The following SYN3 variants were observed in gnomAD, a reference collection of about 807,000 sequenced individuals.
The protein encoded by SYN3 is synapsin-3.
In SYN3, 35 loss-of-function variants were observed where a neutral mutation model predicts 65.8. The ratio of observed to expected loss-of-function variants is 0.53; its 90% CI spans 0.41 to 0.70. The LOEUF is 0.70. Among genes scored for constraint, SYN3 ranks in the 30% least tolerant of loss-of-function variants. The pLI is 0.00. For missense variants in SYN3, 680 were observed against 749.0 expected, an observed-to-expected ratio of 0.91 and a Z score of 1.08; for synonymous variants, 270 against 292.9, an observed-to-expected ratio of 0.92 and a Z score of 0.80.
intron 1 of SYN3, among the ~76,000 whole-genome samples, chr22:33,028,661 G>GTGA (rs2053683128): frequency 8.8e-6 from 1 of 113,774 alleles, no homozygotes; most frequent in Non-Finnish European, 1.8e-5. Context: ...GGTGGTGGTG[G>GTGA]TGGTGGTGGT....
chr22:32,908,916 C>T (rs1260022726), intron 4 of SYN3, among the ~76,000 whole-genome samples: 1 of 152,118 alleles, frequency 6.6e-6, no homozygotes, highest in Non-Finnish European at 1.5e-5. Flanking sequence ...TTAATTTAGG[C>T]TGTTAGGGCA....
rs1249727306 is a variant in SYN3 at position 33,058,347 on chromosome 22, G to T, written c.-218C>A. 1 of 151,648 alleles carries T rather than the reference G, an allele frequency of 6.6e-6. No homozygotes were observed. The highest frequency in any genetic ancestry group is 1.5e-5 in the Non-Finnish European group (1 of 67,858). The allele number at this position is 151,648 out of a possible 1,614,324, so 9.4% of individuals were successfully genotyped here. A position where few individuals can be genotyped will look rare whatever the true frequency, so the allele number is the denominator to read the frequency against. ...TGGTGCCTCGGCGCGGCGCCCGCCA[G>T]TCGATCCGCTCCGGGTCCCGGGAGC... On this transcript the variant is annotated 5_prime_UTR_variant, in exon 1 of 14. In the 5' UTR this introduces an upstream ATG that the reference lacks. Transcript: ENST00000358763.
At chr22:32,873,196 C>A (rs2048896665) in intron 4 of SYN3, among the ~76,000 whole-genome samples, 1 of 152,116 alleles carries the variant, frequency 6.6e-6, no homozygotes. Context: ...GGTGATCTGC[C>A]CACCTTGGCC....
chr22:32,760,266 T>C (rs2045441274), intron 6 of SYN3, among the ~76,000 whole-genome samples: 1 of 143,056 alleles, frequency 7.0e-6, no homozygotes, highest in Admixed American at 7.2e-5. Context: ...CCTTCCTTGA[T>C]TGAGTCTAAA....
chr22:32,822,281 G>T (rs577223359), intron 6 of SYN3, among the ~76,000 whole-genome samples: 1 of 152,162 alleles, frequency 6.6e-6, no homozygotes, highest in East Asian at 1.9e-4. Context: ...CACAGGGTAT[G>T]ATCACATTTC....
At chr22:32,757,116 C>G (rs1162711520) in intron 6 of SYN3, among the ~76,000 whole-genome samples, 1 of 151,584 alleles carries the variant, frequency 6.6e-6, no homozygotes, top group Non-Finnish European at 1.5e-5. Flanking sequence ...CACTCATCAT[C>G]ACCCCTAGTG....
intron 1 of SYN3, among the ~76,000 whole-genome samples, chr22:33,042,020 G>A (rs898214780): frequency 6.6e-6 from 1 of 152,198 alleles, no homozygotes; most frequent in African/African-American, 2.4e-5. Flanking sequence ...TAACGTGATG[G>A]TATTTAGAGA....
At chr22:32,569,559 C>A (rs202129653) in intron 7 of SYN3, among the ~76,000 whole-genome samples, 2,000 of 50,942 alleles carry the variant, frequency 0.039, 41 homozygotes, top group African/African-American at 0.085. Flanking sequence ...CTCTCTCTCT[C>A]TCTCTCTCTC....
chr22:32,536,435 TAC>T (rs1259692257), intron 9 of SYN3, among the ~76,000 whole-genome samples: 2 of 46,918 alleles, frequency 4.3e-5, no homozygotes, highest in East Asian at 2.0e-3. Flanking sequence ...TGGGTATTAC[TAC>T]TGCTTTCGTT....
chr22:32,943,166 GA>G (rs1278189601), intron 3 of SYN3, among the ~76,000 whole-genome samples: 1 of 152,166 alleles, frequency 6.6e-6, no homozygotes, highest in African/African-American at 2.4e-5. Flanking sequence ...AAGTTGAAAT[GA>G]AGGAAAAAAT....
At chr22:32,539,512 G>A (rs1285966471) in intron 8 of SYN3, among the ~76,000 whole-genome samples, 3 of 63,436 alleles carry the variant, frequency 4.7e-5, no homozygotes, top group Admixed American at 1.6e-4. Context: ...GTGTATACAC[G>A]GGTAAGGATA....
chr22:33,011,518 C>A (rs894501942), intron 1 of SYN3, among the ~76,000 whole-genome samples: 16 of 152,008 alleles, frequency 1.1e-4, no homozygotes, highest in Non-Finnish European at 2.2e-4. Flanking sequence ...GACAAAAAAA[C>A]ATTGGTCTGT....
intron 1 of SYN3, among the ~76,000 whole-genome samples, chr22:33,033,908 G>T (rs1277679238): frequency 6.6e-6 from 1 of 152,048 alleles, no homozygotes; most frequent in South Asian, 2.1e-4. Context: ...CAATTAGCCA[G>T]GCACGGTGGT....
In SYN3 at chr22:32,632,365, A is replaced by G. The variant is rs1737220917; in HGVS notation, c.712-35629T>C. On this transcript the variant is annotated intron_variant, in intron 6 of 13. Transcript: ENST00000358763. Reference sequence around the variant, plus strand: ...GGGCGTTTAGAATCCCAGCTCTGATATTTACTTGTATGGGATCTTGGGCAA... The same window carrying G: ...GGGCGTTTAGAATCCCAGCTCTGATGTTTACTTGTATGGGATCTTGGGCAA... 2.6e-5 allele frequency among the ~76,000 whole-genome samples: 4 copies of G among 152,046 alleles called. No homozygotes were observed. The South Asian group carries it at 8.3e-4, about 32-fold the overall frequency.
intron 6 of SYN3, chr22:32,862,132 G>A (rs897781350): frequency 2.0e-5 from 3 of 152,224 alleles, no homozygotes; most frequent in Admixed American, 2.0e-4. Flanking sequence ...TTCTTGTTCT[G>A]TGTCACTCGG....
At chr22:32,978,638 C>G (rs2052279544) in intron 3 of SYN3, among the ~76,000 whole-genome samples, 1 of 152,192 alleles carries the variant, frequency 6.6e-6, no homozygotes, top group African/African-American at 2.4e-5. Flanking sequence ...ACTGTGACCT[C>G]TGCTGCCAGG....
At chr22:32,636,008 G>A (rs1431401550) in intron 6 of SYN3, among the ~76,000 whole-genome samples, 1 of 152,138 alleles carries the variant, frequency 6.6e-6, no homozygotes, top group East Asian at 1.9e-4. Context: ...AGGTATCGAT[G>A]TAGAAGGAAT....
intron 6 of SYN3, among the ~76,000 whole-genome samples, chr22:32,852,609 T>C (rs1389304720): frequency 6.6e-6 from 1 of 152,096 alleles, no homozygotes; most frequent in East Asian, 1.9e-4. Flanking sequence ...AACCTGAGAC[T>C]CCGAGCCGCC....
intron 6 of SYN3, among the ~76,000 whole-genome samples, chr22:32,620,545 A>C (rs1356132634): frequency 6.6e-6 from 1 of 152,178 alleles, no homozygotes; most frequent in Non-Finnish European, 1.5e-5. Flanking sequence ...CTGGGGCAAA[A>C]TAAGGAGCAT....
Sources: allele counts gnomAD v4.1 joint callset (sites outside exome capture counted in the v4.1 genomes callset), GRCh38; gene constraint gnomAD v4.1.1; transcripts MANE v1.5; gene names NCBI Gene and HGNC (gene_info 2026-07-23, HGNC 2026-07-21).